Variants in JAKMIP3 observed in about 807,000 individuals in gnomAD.
The protein encoded by JAKMIP3 is Janus kinase and microtubule interacting protein 3.
In JAKMIP3, 58 loss-of-function variants were observed where a neutral mutation model predicts 118.5. The ratio of observed to expected loss-of-function variants is 0.49; its 90% confidence interval spans 0.40 to 0.61. The LOEUF (loss-of-function observed/expected upper bound fraction) is 0.61, where lower values mean the gene tolerates loss of function less well. Ranked by LOEUF, JAKMIP3 falls within the 20% of genes least tolerant of loss-of-function variation. JAKMIP3 has a pLI of 0.00. For synonymous variants in JAKMIP3, 486 were observed against 451.2 expected, an observed-to-expected ratio of 1.08 and a Z score of -0.98; for missense variants, 950 against 1,109.0, an observed-to-expected ratio of 0.86 and a Z score of 2.04.
At chr10:132,096,898 G>A (rs2043943755) in intron 1 of JAKMIP3, among the ~76,000 whole-genome samples, 1 of 152,174 alleles carries the variant, frequency 6.6e-6, no homozygotes, top group Non-Finnish European at 1.5e-5. Flanking sequence ...GCAACCCAGA[G>A]CCAACTGGCT....
intron 3 of JAKMIP3, among the ~76,000 whole-genome samples, chr10:132,123,380 C>A (rs185526489): frequency 2.0e-5 from 3 of 152,238 alleles, no homozygotes; most frequent in Non-Finnish European, 2.9e-5. Context: ...AAGAATTAGA[C>A]GCAAAAGCCA....
In JAKMIP3 at chr10:132,142,020, G is replaced by C. The variant is rs773653963; in HGVS notation, c.1574G>C (p.Gly525Ala). The C allele has an allele frequency of 6.8e-6, 11 of 1,608,668 alleles. No homozygotes were observed. Among genetic ancestry groups the C allele is most frequent in the Non-Finnish European group, 9.3e-6 (11 of 1,177,932 alleles). ...AYALLQEQVG[G>A]TLDAEREVKT... ...GCTTTGTTGCAGGAGCAGGTTGGAG[G>C]GACGCTGGACGCAGAGCGAGAAGTT... The change falls in exon 11 of 24, where the codon GGG (glycine) becomes GCG (alanine). Residue 525 changes from glycine to alanine, a missense_variant. Transcript: ENST00000684848.
At chr10:132,140,117 G>A (rs558508242) in intron 9 of JAKMIP3, among the ~76,000 whole-genome samples, 1 of 152,334 alleles carries the variant, frequency 6.6e-6, no homozygotes, top group African/African-American at 2.4e-5. Context: ...ACACAGGGAA[G>A]GCACCCATCG....
intron 2 of JAKMIP3, among the ~76,000 whole-genome samples, chr10:132,109,394 C>T (rs2046491805): frequency 6.6e-6 from 1 of 152,108 alleles, no homozygotes; most frequent in Non-Finnish European, 1.5e-5. Context: ...AGCTAGGCAC[C>T]CCCCACAATT....
Position 132,116,944 on chromosome 10 carries a change from G to A in JAKMIP3, c.136-133G>A, listed in dbSNP as rs528758000. The A allele has an allele frequency of 2.8e-4, 296 of 1,072,300 alleles. 2 individuals carry two copies. In the South Asian group the frequency reaches 4.4e-3, roughly 16 times the overall value. 66.4% of individuals were successfully genotyped at this position (1,072,300 alleles called of 1,614,324 possible). A position where few individuals can be genotyped will look rare whatever the true frequency, so the allele number is the denominator to read the frequency against. Reference sequence around the variant, plus strand: ...ACATTCAGGTGTGAGTGTGTGCAACGTGGAAGCTCCCCTTGAATACACATT... The same window carrying A: ...ACATTCAGGTGTGAGTGTGTGCAACATGGAAGCTCCCCTTGAATACACATT... On this transcript the variant is annotated intron_variant, in intron 2 of 23. Coordinates refer to ENST00000684848, the MANE Select transcript of JAKMIP3 (RefSeq NM_001323087.2).
intron 23 of JAKMIP3, among the ~76,000 whole-genome samples, chr10:132,170,782 G>A (rs1326605677): frequency 2.0e-5 from 3 of 152,272 alleles, no homozygotes; most frequent in South Asian, 2.1e-4. Flanking sequence ...CGCTCCGCTC[G>A]GGGGCTGACA....
chr10:132,160,499 G>T (rs369797775), intron 19 of JAKMIP3, among the ~76,000 whole-genome samples: 942 of 21,738 alleles, frequency 0.043, 5 homozygotes, highest in Admixed American at 0.069. Context: ...TGATGCTGGG[G>T]GGGCCTCTCC....
In JAKMIP3 at chr10:132,184,494, C is replaced by A. The variant is rs754411812; in HGVS notation, c.*3241C>A. 2 of 152,182 alleles carry A rather than the reference C, an allele frequency of 1.3e-5. No individual in the cohort carries two copies. The highest frequency in any genetic ancestry group is 1.9e-4 in the East Asian group (1 of 5,204). 9.4% of individuals were successfully genotyped at this position (152,182 alleles called of 1,614,324 possible). A position where few individuals can be genotyped will look rare whatever the true frequency, so the allele number is the denominator to read the frequency against. On this transcript the variant is annotated 3_prime_UTR_variant, in exon 24 of 24. Transcript: ENST00000684848. The stretch of plus-strand genomic sequence containing the variant: ...CATATTGTGAATATAGGTATCAAAT[C>A]ATATATTTGTTTACTGTATATTTTT...
rs534592831 is a variant in JAKMIP3 at position 132,107,630 on chromosome 10, C to T, written c.135+2687C>T. Among the ~76,000 whole-genome samples, 38 of 152,348 alleles carry T rather than the reference C, an allele frequency of 2.5e-4. No individual in the cohort carries two copies. In the South Asian group the frequency reaches 4.6e-3, roughly 18 times the overall value. ...GCGATCTGAGCCCTGCCTCCTCAAG[C>T]GTAACTGACAGCATGCTGGATGCAC... is the stretch of plus-strand genomic sequence containing the variant. On this transcript the variant is annotated intron_variant, in intron 2 of 23. Transcript: ENST00000684848.
chr10:132,064,462 C>T (rs572730672), upstream of JAKMIP3, among the ~76,000 whole-genome samples: 1 of 152,262 alleles, frequency 6.6e-6, no homozygotes, highest in East Asian at 1.9e-4. The surrounding 1 kb of genome is among the most constrained non-coding windows in gnomAD (Gnocchi z 4.4). Context: ...TGGGAACCCT[C>T]TTTGCTTCAG....
Position 132,137,148 on chromosome 10 carries a change from A to G in JAKMIP3, c.1246A>G (p.Lys416Glu). Reference sequence around the variant, plus strand: ...GCAAAACCTCATAGATGAACTGTCTAAGGTACCCGGCGGGCTGTTTGCTGC... The same window carrying G: ...GCAAAACCTCATAGATGAACTGTCTGAGGTACCCGGCGGGCTGTTTGCTGC... ...EQQNLIDELS[K>E]TLETAGYVKS... Residue 416 changes from lysine (K) to glutamate (E), a missense_variant and splice_region_variant, in exon 7 of 24, where the codon AAG (lysine) becomes GAG (glutamate). Coordinates refer to ENST00000684848, the MANE Select transcript of JAKMIP3 (RefSeq NM_001323087.2). 6.2e-7 allele frequency: 1 copy of G among 1,613,962 alleles called. No homozygotes were observed. The highest frequency in any genetic ancestry group is 8.5e-7 in the Non-Finnish European group (1 of 1,179,872).
chr10:132,138,768 G>A lies in JAKMIP3; in HGVS notation c.1344+590G>A, dbSNP rs963482417. Among the ~76,000 whole-genome samples, 6 of 152,112 alleles carry A rather than the reference G, an allele frequency of 3.9e-5. No homozygotes were observed. The East Asian group carries it at 9.6e-4, about 24-fold the overall frequency. On this transcript the variant is annotated intron_variant, in intron 9 of 23. Coordinates refer to ENST00000684848, the MANE Select transcript of JAKMIP3 (RefSeq NM_001323087.2). ...AGTCCCCACGACCTGTGGGATGCAC[G>A]GCTCTGAGGACGGGCGGCTGAGGCT...
chr10:132,177,724 AGT>A (rs767600223), intron 23 of JAKMIP3, among the ~76,000 whole-genome samples: 32 of 127,704 alleles, frequency 2.5e-4, no homozygotes, highest in South Asian at 2.6e-4. Context: ...TGCCCTGGGT[AGT>A]GTGTGTGTGT....
chr10:132,145,226 C>A, intron 12 of JAKMIP3, 36 bp downstream of exon 12: 1 of 1,520,976 alleles, frequency 6.6e-7, no homozygotes, highest in Non-Finnish European at 9.0e-7. Flanking sequence ...CGTGGGGGCA[C>A]ACGTGGGTGG....
intron 2 of JAKMIP3, among the ~76,000 whole-genome samples, chr10:132,114,114 C>T (rs2047270696): frequency 6.6e-6 from 1 of 152,262 alleles, no homozygotes; most frequent in Admixed American, 6.5e-5. Context: ...GGAAAATTGC[C>T]ACGTGGTACC....
At chr10:132,160,434 T>A (rs112246704) in intron 19 of JAKMIP3, among the ~76,000 whole-genome samples, 3 of 5,650 alleles carry the variant, frequency 5.3e-4, no homozygotes, top group African/African-American at 4.6e-3. Context: ...AGCCTCTTCC[T>A]GTGTGATGCT....
chr10:132,149,328 C>T, intron 14 of JAKMIP3, 84 bp from the exon 15 acceptor site: 1 of 880,406 alleles, frequency 1.1e-6, no homozygotes, highest in Non-Finnish European at 1.8e-6. Context: ...TGGTCTTGGC[C>T]CGTGTTCCTC....
intron 1 of JAKMIP3, among the ~76,000 whole-genome samples, chr10:132,057,972 A>C (rs929253751): frequency 7.9e-5 from 12 of 152,310 alleles, no homozygotes; most frequent in African/African-American, 2.9e-4. Flanking sequence ...GTCTGCAATC[A>C]GGGCCGCATC....
chr10:132,113,529 G>A (rs2047181824), intron 2 of JAKMIP3, among the ~76,000 whole-genome samples: 1 of 152,242 alleles, frequency 6.6e-6, no homozygotes, highest in Non-Finnish European at 1.5e-5. Context: ...TTGTATTTAC[G>A]CAGCAGACTG....
Sources: allele counts gnomAD v4.1 joint callset (sites outside exome capture counted in the v4.1 genomes callset), GRCh38; gene constraint gnomAD v4.1.1; non-coding constraint Gnocchi (gnomAD v3.1); transcripts MANE v1.5; gene names NCBI Gene and HGNC (gene_info 2026-07-23, HGNC 2026-07-21).